DHRSX: variants seen among roughly 807,000 people sequenced by gnomAD.
DHRSX encodes polyprenol dehydrogenase.
A neutral mutation model predicts 34.0 loss-of-function variants in DHRSX; 31 were observed. That is an observed-to-expected ratio of 0.91 (90% CI 0.69 to 1.23). The LOEUF is 1.23. Among genes scored for constraint, DHRSX ranks in the 50% most tolerant of loss-of-function variants. DHRSX has a pLI of 0.00. For synonymous variants in DHRSX, 201 were observed against 183.8 expected (o/e 1.09, Z -0.76); for missense variants, 414 against 428.1 (o/e 0.97, Z 0.29).
intron 1 of DHRSX, among the ~76,000 whole-genome samples, chrX:2,467,981 TG>T (rs1569504238): frequency 3.0e-5 from 2 of 66,658 alleles, no homozygotes; most frequent in Non-Finnish European, 6.1e-5. Context: ...AAAAAAAAAA[TG>T]TTGGACCAAG....
intron 3 of DHRSX, among the ~76,000 whole-genome samples, chrX:2,314,216 AGGAGGGAAGGAAGGGAG>A (rs1376955059): frequency 1.6e-4 from 2 of 12,898 alleles, no homozygotes; most frequent in Admixed American, 1.7e-3. Context: ...GAGGGAGGGA[AGGAGGGAAGGAAGGGAG>A]GGAGGGAAGG....
chrX:2,295,875 CATTT>C (rs2041925759), intron 3 of DHRSX, among the ~76,000 whole-genome samples: 1 of 152,170 alleles, frequency 6.6e-6, no homozygotes, highest in Non-Finnish European at 1.5e-5. Context: ...CGCATACGCA[CATTT>C]ATTTTCTCAT....
intron 1 of DHRSX, among the ~76,000 whole-genome samples, chrX:2,476,517 T>A (rs2044682147): frequency 6.6e-6 from 1 of 151,656 alleles, no homozygotes; most frequent in Non-Finnish European, 1.5e-5. Context: ...CCAATGCTCT[T>A]AATTAATCAA....
intron 6 of DHRSX, among the ~76,000 whole-genome samples, chrX:2,232,030 T>C (rs2015903799): frequency 3.8e-5 from 1 of 26,596 alleles, no homozygotes; most frequent in East Asian, 4.0e-3. Flanking sequence ...CCTTCTTCCT[T>C]CTCCTCCTTT....
intron 3 of DHRSX, among the ~76,000 whole-genome samples, chrX:2,345,595 C>CG (rs2042697049): frequency 4.7e-5 from 7 of 147,612 alleles, no homozygotes; most frequent in South Asian, 2.2e-4. Context: ...TGCATTGAGC[C>CG]AAGATCGCAC....
chrX:2,484,225 G>A (rs1478894146), intron 1 of DHRSX, among the ~76,000 whole-genome samples: 3 of 152,116 alleles, frequency 2.0e-5, no homozygotes, highest in African/African-American at 4.8e-5. Flanking sequence ...CACCCGCCTC[G>A]GCCTCCCAAA....
At chrX:2,484,903 C>T (rs1325721782) in intron 1 of DHRSX, among the ~76,000 whole-genome samples, 1 of 152,054 alleles carries the variant, frequency 6.6e-6, no homozygotes, top group East Asian at 1.9e-4. Flanking sequence ...GAGATTTCGG[C>T]ACCCCAGAAA....
chrX:2,283,114 T>C (rs2041751261), intron 4 of DHRSX, among the ~76,000 whole-genome samples: 1 of 151,518 alleles, frequency 6.6e-6, no homozygotes, highest in Non-Finnish European at 1.5e-5. Context: ...AACCACTGCT[T>C]CTCAACCCAC....
At chrX:2,370,457 C>A (rs2043043878) in intron 3 of DHRSX, among the ~76,000 whole-genome samples, 1 of 152,086 alleles carries the variant, frequency 6.6e-6, no homozygotes, top group South Asian at 2.1e-4. Flanking sequence ...CAGTCTGAGC[C>A]ACCGCGCCCA....
intron 1 of DHRSX, chrX:2,488,943 C>T: frequency 6.3e-7 from 1 of 1,597,056 alleles, no homozygotes; most frequent in Non-Finnish European, 8.5e-7. Context: ...GCCAGGCGGT[C>T]TGACCACCAC....
At chrX:2,310,224 A>G (rs2042146276) in intron 3 of DHRSX, among the ~76,000 whole-genome samples, 1 of 152,050 alleles carries the variant, frequency 6.6e-6, no homozygotes, top group African/African-American at 2.4e-5. Context: ...CACAGCCTGC[A>G]AAGTCTTGAG....
chrX:2,403,148 G>A (rs2043508596), intron 3 of DHRSX, among the ~76,000 whole-genome samples: 1 of 152,120 alleles, frequency 6.6e-6, no homozygotes, highest in Admixed American at 6.6e-5. Flanking sequence ...TTTCCAAAGT[G>A]CTGGGATTCA....
chrX:2,452,926 C>T (rs2044245429), intron 1 of DHRSX, among the ~76,000 whole-genome samples: 2 of 152,354 alleles, frequency 1.3e-5, no homozygotes, highest in Admixed American at 1.3e-4. Context: ...ACCTGCCCCA[C>T]TGTGCACTGC....
At chrX:2,285,583 C>T (rs970078622) in intron 4 of DHRSX, among the ~76,000 whole-genome samples, 1 of 152,116 alleles carries the variant, frequency 6.6e-6, no homozygotes, top group African/African-American at 2.4e-5. Flanking sequence ...TCACCTTCTG[C>T]TGTGCGGCCG....
At chrX:2,385,351 T>C (rs955495156) in intron 3 of DHRSX, among the ~76,000 whole-genome samples, 1 of 152,028 alleles carries the variant, frequency 6.6e-6, no homozygotes, top group African/African-American at 2.4e-5. Flanking sequence ...AAAAGATGCA[T>C]GCTTTATTGT....
chrX:2,393,607 A>C (rs113226020), intron 3 of DHRSX, among the ~76,000 whole-genome samples: 198 of 130,582 alleles, frequency 1.5e-3, no homozygotes, highest in African/African-American at 4.3e-3. Flanking sequence ...CACACGACAC[A>C]CAGGGACCTC....
intron 3 of DHRSX, among the ~76,000 whole-genome samples, chrX:2,294,769 AGAGAGAGAGAGAGGAAAAAGAGAGG>A (rs957615868): frequency 6.1e-5 from 9 of 148,146 alleles, no homozygotes; most frequent in Non-Finnish European, 7.5e-5. Context: ...ACAGAGAAAG[AGAGAGAGAGAGAGGAAAAAGAGAGG>A]GAGAGAGAGA....
chrX:2,371,502 C>T (rs1426295932), intron 3 of DHRSX, among the ~76,000 whole-genome samples: 3 of 151,272 alleles, frequency 2.0e-5, no homozygotes, highest in Non-Finnish European at 4.4e-5. Context: ...ACCGTAGACC[C>T]TCCCCGTTAC....
chrX:2,250,526 G>T (rs1173278096), intron 5 of DHRSX, among the ~76,000 whole-genome samples: 1 of 152,074 alleles, frequency 6.6e-6, no homozygotes, highest in East Asian at 1.9e-4. Context: ...GGAGCTGAAG[G>T]TTCATCCCCC....
Sources: allele counts gnomAD v4.1 joint callset (sites outside exome capture counted in the v4.1 genomes callset), GRCh38; gene constraint gnomAD v4.1.1; transcripts MANE v1.5; gene names NCBI Gene and HGNC (gene_info 2026-07-23, HGNC 2026-07-21).